Variants in RGS20 observed in about 807,000 individuals in gnomAD.
The protein encoded by RGS20 is regulator of G protein signaling 20, also known as gz-selective GTPase-activating protein.
In RGS20, 30 loss-of-function variants were observed where a neutral mutation model predicts 33.6. The ratio of observed to expected loss-of-function variants is 0.89; its 90% CI spans 0.67 to 1.21. The LOEUF (loss-of-function observed/expected upper bound fraction) is 1.21, where lower values mean the gene tolerates loss of function less well. Ranked by LOEUF, RGS20 falls within the 50% of genes most tolerant of loss-of-function variation. The pLI is 0.00. For synonymous variants in RGS20, 208 were observed against 197.9 expected (o/e 1.05, Z -0.43); for missense variants, 472 against 502.4 (o/e 0.94, Z 0.58).
intron 1 of RGS20, among the ~76,000 whole-genome samples, chr8:53,856,033 TA>T (rs1811661722): frequency 6.6e-6 from 1 of 152,154 alleles, no homozygotes. Context: ...GACAGTGATT[TA>T]AAAAGTGGAC....
chr8:53,952,865 G>T (rs2129293990), intron 4 of RGS20, among the ~76,000 whole-genome samples: 1 of 152,284 alleles, frequency 6.6e-6, no homozygotes, highest in African/African-American at 2.4e-5. Flanking sequence ...ATATAATTAT[G>T]ACAGAAGTAA....
At chr8:53,926,912 CA>C (rs1343532774) in intron 2 of RGS20, among the ~76,000 whole-genome samples, 1 of 149,664 alleles carries the variant, frequency 6.7e-6, no homozygotes, top group African/African-American at 2.5e-5. Context: ...GACTCCATCT[CA>C]AAAAAAGAAA....
chr8:53,870,261 G>A (rs1812032687), intron 1 of RGS20, among the ~76,000 whole-genome samples: 1 of 151,588 alleles, frequency 6.6e-6, no homozygotes, highest in Admixed American at 6.6e-5. Flanking sequence ...AGATATGTGT[G>A]TACACACACA....
At chr8:53,943,132 C>A (rs1200965321) in intron 3 of RGS20, among the ~76,000 whole-genome samples, 1 of 151,938 alleles carries the variant, frequency 6.6e-6, no homozygotes, top group African/African-American at 2.4e-5. Context: ...GAATGGTAAA[C>A]AGTAAGTTAA....
chr8:53,929,874 A>T (rs573447643), intron 2 of RGS20, among the ~76,000 whole-genome samples: 4 of 152,222 alleles, frequency 2.6e-5, no homozygotes, highest in South Asian at 2.1e-4. Flanking sequence ...TAAAATTAAA[A>T]TTTTTTTTAA....
intron 3 of RGS20, 34 bp from the exon 3 acceptor site, chr8:53,946,631 G>C (rs764063082): frequency 1.9e-6 from 3 of 1,542,966 alleles, no homozygotes; most frequent in Non-Finnish European, 2.7e-6. Flanking sequence ...GGCAGGGACT[G>C]AGCTGTCAAC....
chr8:53,875,931 T>C (rs1156248516), intron 1 of RGS20, among the ~76,000 whole-genome samples: 2 of 152,216 alleles, frequency 1.3e-5, no homozygotes, highest in Non-Finnish European at 2.9e-5. Flanking sequence ...TTAGCTTATT[T>C]ATATTGCCAC....
chr8:53,924,020 C>A (rs546772524), intron 2 of RGS20, among the ~76,000 whole-genome samples: 10 of 151,570 alleles, frequency 6.6e-5, no homozygotes, highest in African/African-American at 2.4e-4. Flanking sequence ...TTTTAGTTTG[C>A]AAATACTTTT....
chr8:53,942,826 T>TAAA (rs60067329), intron 3 of RGS20, among the ~76,000 whole-genome samples: 1 of 125,600 alleles, frequency 8.0e-6, no homozygotes, highest in Admixed American at 8.0e-5. Flanking sequence ...ATGTCTCCAC[T>TAAA]AAAAAAAAAA....
intron 1 of RGS20, among the ~76,000 whole-genome samples, chr8:53,869,497 G>GGTGGC (rs1812006894): frequency 6.6e-6 from 1 of 152,104 alleles, no homozygotes; most frequent in Non-Finnish European, 1.5e-5. Context: ...CCAACATGGT[G>GGTGGC]AAACCCTGTC....
rs74513178 is a variant in RGS20, at chr8:53,877,237, G to A, written c.166-2021G>A. Among the ~76,000 whole-genome samples the A allele has an allele frequency of 6.6e-6, 1 of 152,146 alleles. No individual in the cohort carries two copies. The highest frequency in any genetic ancestry group is 1.5e-5 in the Non-Finnish European group (1 of 68,020). The stretch of plus-strand genomic sequence containing the variant: ...GGTGGGCTCAGTCAGGCTTTAGGTC[G>A]CCAGGAACCCGGCTGGTCCTCTCTC... On this transcript the variant is annotated intron_variant, in intron 1 of 5. Transcript: ENST00000297313. This position sits in a 1 kb window ranked among gnomAD's most constrained non-coding sequence, Gnocchi z 5.7.
At chr8:53,905,990 A>G (rs2129282169) in intron 2 of RGS20, among the ~76,000 whole-genome samples, 1 of 151,980 alleles carries the variant, frequency 6.6e-6, no homozygotes, top group African/African-American at 2.4e-5. Flanking sequence ...CGTTCATTCG[A>G]CTTCCAGTTC....
At chr8:53,879,167 C>A in intron 1 of RGS20, 1 of 1,032,518 alleles carries the variant, frequency 9.7e-7, no homozygotes, top group Non-Finnish European at 1.5e-6. Flanking sequence ...CCCAAAGTAA[C>A]GCTTCAAAAT....
intron 2 of RGS20, chr8:53,913,351 C>T (rs1188715663): frequency 1.3e-5 from 2 of 152,180 alleles, no homozygotes; most frequent in Non-Finnish European, 2.9e-5. Flanking sequence ...CTTGACAGTT[C>T]GGGACAGAAG....
chr8:53,952,055 G>A (rs1402005035), intron 4 of RGS20, among the ~76,000 whole-genome samples: 1 of 149,134 alleles, frequency 6.7e-6, no homozygotes, highest in East Asian at 2.0e-4. Flanking sequence ...TCATATGTTT[G>A]ACATTTATTT....
chr8:53,939,659 C>T lies in RGS20; in HGVS notation c.594C>T (p.Pro198=), dbSNP rs923205766. Residue 198 remains proline (P), a synonymous_variant, in exon 3 of 6, where the codon CCC becomes CCT. Coordinates refer to ENST00000297313, the MANE Select transcript of RGS20 (RefSeq NM_170587.4). ...CACCAGGCGCCGCCCCAGGCCAGCCCGGAGCGGGGAGTCGCGGGTCCAACG... is the reference window on the plus strand; with the variant it reads ...CACCAGGCGCCGCCCCAGGCCAGCCTGGAGCGGGGAGTCGCGGGTCCAACG... 1.2e-5 allele frequency: 19 copies of T among 1,589,914 alleles called. No homozygotes were observed. Among genetic ancestry groups the T allele is most frequent in the East Asian group, 4.5e-5 (2 of 44,006 alleles).
chr8:53,954,681 G>GT (rs1814810898), intron 5 of RGS20, among the ~76,000 whole-genome samples: 1 of 142,822 alleles, frequency 7.0e-6, no homozygotes. Context: ...CTAAACAAAA[G>GT]TAATTGCCTT....
At chr8:53,888,892 G>A (rs907950517) in intron 2 of RGS20, among the ~76,000 whole-genome samples, 2 of 152,186 alleles carry the variant, frequency 1.3e-5, no homozygotes, top group African/African-American at 4.8e-5. Flanking sequence ...TGTACGTGTT[G>A]TTATTTTTTA....
intron 3 of RGS20, among the ~76,000 whole-genome samples, chr8:53,942,025 G>A (rs1359244066): frequency 1.3e-5 from 2 of 152,188 alleles, no homozygotes; most frequent in Non-Finnish European, 2.9e-5. Flanking sequence ...TGTAATCCCA[G>A]CACTTTGGGA....
Sources: gnomAD v4.1 joint callset for allele counts (sites outside exome capture counted in the v4.1 genomes callset) on GRCh38, gnomAD v4.1.1 for gene constraint, Gnocchi (gnomAD v3.1) non-coding constraint, MANE v1.5 for transcripts, NCBI Gene and HGNC (gene_info 2026-07-23, HGNC 2026-07-21) for gene names.